Variants in CSMD1 observed in about 807,000 individuals in gnomAD.
CSMD1 encodes CUB and sushi domain-containing protein 1.
A neutral mutation model predicts 417.5 loss-of-function variants in CSMD1; 213 were observed. The observed-to-expected ratio is 0.51, with a 90% CI of 0.46 to 0.57. The LOEUF (loss-of-function observed/expected upper bound fraction) is 0.57. Ranked by LOEUF, CSMD1 falls within the 20% of genes least tolerant of loss-of-function variation. CSMD1 has a pLI of 0.00. For missense variants in CSMD1, 6,923 were observed against 4,529.7 expected, an observed-to-expected ratio of 1.53 and a Z score of -15.17; for synonymous variants, 2,862 against 1,736.8, an observed-to-expected ratio of 1.65 and a Z score of -16.11.
chr8:3,329,408 A>C (rs1389587117), intron 23 of CSMD1, among the ~76,000 whole-genome samples: 2 of 152,060 alleles, frequency 1.3e-5, no homozygotes, highest in African/African-American at 2.4e-5. Flanking sequence ...AAGACCCTTC[A>C]AGCAGATGGA....
intron 6 of CSMD1, among the ~76,000 whole-genome samples, chr8:3,709,680 G>GGTTTTTTTTTTTTTT (rs1554518393): frequency 5.9e-5 from 2 of 33,702 alleles, no homozygotes; most frequent in Admixed American, 4.7e-4. Flanking sequence ...GCAGCAGCAT[G>GGTTTTTTTTTTTTTT]TTTTTTTTTT....
At chr8:3,120,811 C>G (rs1428733462) in intron 41 of CSMD1, among the ~76,000 whole-genome samples, 1 of 152,212 alleles carries the variant, frequency 6.6e-6, no homozygotes, top group East Asian at 1.9e-4. Context: ...CACGCCACTG[C>G]ACTCCAGCCT....
rs1382625262 is a variant in CSMD1, at chr8:3,795,311, T to C, written c.819-41269A>G. On this transcript the variant is annotated intron_variant, in intron 5 of 69. Transcript: ENST00000635120. The stretch of plus-strand genomic sequence containing the variant: ...TATCATGTACAGATATATATATCTA[T>C]CATGTACAGATATAGATATCTATCA... Among the ~76,000 whole-genome samples, 18 of 63,430 alleles carry C rather than the reference T, an allele frequency of 2.8e-4. 6 individuals are homozygous for C. The highest frequency in any genetic ancestry group is 1.4e-3 in the African/African-American group (18 of 13,148). The allele number at this position is 63,430 out of a possible 152,430, so 41.6% of individuals were successfully genotyped here.
chr8:3,117,501 G>C (rs1816940984), intron 42 of CSMD1, among the ~76,000 whole-genome samples: 2 of 152,142 alleles, frequency 1.3e-5, no homozygotes, highest in South Asian at 2.1e-4. Context: ...GCATTTCAAA[G>C]GTCCACGGAG....
At chr8:4,458,577 C>A (rs538828669) in intron 2 of CSMD1, among the ~76,000 whole-genome samples, 1 of 151,864 alleles carries the variant, frequency 6.6e-6, no homozygotes, top group African/African-American at 2.4e-5. Context: ...GACATTGTAA[C>A]AGTAAATACA....
intron 1 of CSMD1, among the ~76,000 whole-genome samples, chr8:4,668,440 AT>A (rs1805081703): frequency 6.9e-6 from 1 of 145,148 alleles, no homozygotes; most frequent in Non-Finnish European, 1.5e-5. Flanking sequence ...TATTATTATT[AT>A]TATTATTATT....
At chr8:3,479,276 TTTTA>T (rs1000504939) in intron 11 of CSMD1, among the ~76,000 whole-genome samples, 2 of 152,058 alleles carry the variant, frequency 1.3e-5, no homozygotes, top group Non-Finnish European at 2.9e-5. Context: ...TTGCCATTAT[TTTTA>T]TTTATTTATT....
intron 3 of CSMD1, among the ~76,000 whole-genome samples, chr8:4,293,586 C>G (rs1797497605): frequency 6.6e-6 from 1 of 152,150 alleles, no homozygotes; most frequent in Non-Finnish European, 1.5e-5. Context: ...AATAAAAGAG[C>G]TCATCTCATC....
Position 4,203,663 on chromosome 8 carries a change from T to C in CSMD1, c.416-171564A>G, listed in dbSNP as rs1799800481. The stretch of plus-strand genomic sequence containing the variant: ...ACTACACACATTGGAAGTTGGTTCC[T>C]CTCCTGGCCATTTGTAAGTAGGGAT... On this transcript the variant is annotated intron_variant, in intron 3 of 69. Transcript: ENST00000635120. Among the ~76,000 whole-genome samples the C allele has an allele frequency of 2.0e-5, 3 of 151,988 alleles. No individual in the cohort carries two copies. In the South Asian group the frequency reaches 6.2e-4, roughly 32 times the overall value.
intron 12 of CSMD1, among the ~76,000 whole-genome samples, chr8:3,459,560 T>C (rs995650636): frequency 7.9e-5 from 12 of 152,104 alleles, no homozygotes; most frequent in African/African-American, 2.9e-4. Flanking sequence ...GGGAGATCTG[T>C]GCAGAAATGC....
intron 7 of CSMD1, among the ~76,000 whole-genome samples, chr8:3,672,066 C>G (rs970819394): frequency 1.3e-5 from 2 of 152,156 alleles, no homozygotes. Context: ...AACATCTTAT[C>G]TTACTTTCAA....
intron 3 of CSMD1, among the ~76,000 whole-genome samples, chr8:4,306,870 C>T (rs1184776269): frequency 6.6e-6 from 1 of 151,956 alleles, no homozygotes; most frequent in African/African-American, 2.4e-5. Flanking sequence ...TCTCTTTTTG[C>T]AAAATCTGCA....
chr8:3,989,243 C>A (rs1361524366), intron 5 of CSMD1, among the ~76,000 whole-genome samples: 2 of 152,154 alleles, frequency 1.3e-5, no homozygotes, highest in Non-Finnish European at 2.9e-5. Context: ...TCTGGGACTT[C>A]CAGAGCAAAC....
intron 3 of CSMD1, among the ~76,000 whole-genome samples, chr8:4,253,655 C>T (rs1041134037): frequency 1.3e-5 from 2 of 151,992 alleles, no homozygotes; most frequent in Admixed American, 6.5e-5. Context: ...TTAATAGACA[C>T]ACAATCGTTT....
At chr8:4,744,327 G>A (rs2117019286) in intron 1 of CSMD1, among the ~76,000 whole-genome samples, 1 of 152,210 alleles carries the variant, frequency 6.6e-6, no homozygotes, top group African/African-American at 2.4e-5. Flanking sequence ...TTCTACTGAT[G>A]TGTGTGCTGT....
At chr8:4,763,629 T>G (rs1812263475) in intron 1 of CSMD1, among the ~76,000 whole-genome samples, 1 of 152,172 alleles carries the variant, frequency 6.6e-6, no homozygotes, top group African/African-American at 2.4e-5. Flanking sequence ...TTTTACCAAT[T>G]ATACTTAATG....
At chr8:3,601,332 G>A (rs1344701156) in intron 8 of CSMD1, among the ~76,000 whole-genome samples, 1 of 152,186 alleles carries the variant, frequency 6.6e-6, no homozygotes, top group East Asian at 1.9e-4. Flanking sequence ...AGACATATAG[G>A]AGCTGTAGAA....
intron 1 of CSMD1, among the ~76,000 whole-genome samples, chr8:4,953,923 G>T (rs1808909600): frequency 6.6e-6 from 1 of 152,042 alleles, no homozygotes; most frequent in South Asian, 2.1e-4. Context: ...GGGTTTTGAT[G>T]TTTAAAAAGC....
At chr8:2,978,006 G>T (rs572238409) in intron 55 of CSMD1, among the ~76,000 whole-genome samples, 46 of 152,294 alleles carry the variant, frequency 3.0e-4, no homozygotes, top group Admixed American at 2.9e-3. Context: ...CATTTTGGAA[G>T]ACAGTGTAGC....
Sources: gnomAD v4.1 joint callset for allele counts (sites outside exome capture counted in the v4.1 genomes callset) on GRCh38, gnomAD v4.1.1 for gene constraint, MANE v1.5 for transcripts, NCBI Gene and HGNC (gene_info 2026-07-23, HGNC 2026-07-21) for gene names.